FRMD4A: variants seen among roughly 807,000 people sequenced by gnomAD.
FRMD4A encodes the protein FERM domain containing 4A.
FRMD4A carries 29 observed loss-of-function variants against 129.1 expected under a neutral mutation model. The observed-to-expected ratio is 0.22, with a 90% CI of 0.17 to 0.31. The LOEUF (loss-of-function observed/expected upper bound fraction) is 0.31. Among genes scored for constraint, FRMD4A ranks in the 10% least tolerant of loss-of-function variants. The pLI, the probability that FRMD4A is intolerant of heterozygous loss-of-function variation, is 1.00. For missense variants in FRMD4A, 1,272 were observed against 1,375.8 expected (o/e 0.92, Z 1.19); for synonymous variants, 634 against 571.6 (o/e 1.11, Z -1.56).
At chr10:14,141,654 T>C (rs1254984054) in intron 2 of FRMD4A, among the ~76,000 whole-genome samples, 2 of 152,076 alleles carry the variant, frequency 1.3e-5, no homozygotes, top group Admixed American at 6.5e-5. Flanking sequence ...CCTTTTCCCC[T>C]GTCCTTCGAT....
intron 2 of FRMD4A, among the ~76,000 whole-genome samples, chr10:13,963,284 T>G (rs2131364507): frequency 6.6e-6 from 1 of 151,376 alleles, no homozygotes; most frequent in Middle Eastern, 3.4e-3. Context: ...TTTTTTTTTT[T>G]TTTTTTCAAC....
intron 11 of FRMD4A, 127 bp downstream of exon 11, chr10:13,740,067 C>G: frequency 2.9e-6 from 2 of 694,832 alleles, no homozygotes; most frequent in Admixed American, 4.6e-5. Flanking sequence ...ACCCTGCACA[C>G]CAGCCTGGGA....
intron 2 of FRMD4A, among the ~76,000 whole-genome samples, chr10:14,322,930 A>G (rs925706265): frequency 6.6e-6 from 1 of 152,226 alleles, no homozygotes; most frequent in Non-Finnish European, 1.5e-5. Context: ...TAGCTGCCCC[A>G]TCATGTGTAA....
chr10:14,293,028 T>TAAAA (rs112136665), intron 2 of FRMD4A, among the ~76,000 whole-genome samples: 48,662 of 151,892 alleles, frequency 0.32, 8,095 homozygotes, highest in Middle Eastern at 0.37. Context: ...CATGAACACA[T>TAAAA]AACTGATAAA....
intron 15 of FRMD4A, among the ~76,000 whole-genome samples, chr10:13,681,547 CAT>C (rs10606576): frequency 0.011 from 1,672 of 151,878 alleles, 33 homozygotes; most frequent in African/African-American, 0.039. Context: ...GTGAAAGGCA[CAT>C]ATATATATGT....
intron 2 of FRMD4A, among the ~76,000 whole-genome samples, chr10:13,874,452 G>A (rs941900777): frequency 1.3e-5 from 2 of 151,864 alleles, no homozygotes; most frequent in African/African-American, 4.8e-5. Context: ...AGCAATGAAT[G>A]AGCCAAAAAG....
rs552955164 is a variant in FRMD4A at position 13,997,562 on chromosome 10, G to T, written c.46-138650C>A. On this transcript the variant is annotated intron_variant, in intron 2 of 24. Coordinates refer to ENST00000357447, the MANE Select transcript of FRMD4A (RefSeq NM_018027.5). ...TTAGGTTCAGGATGTCTGAGGTGGA[G>T]ACCAGGCATCTGATCCATGTACTGT... Among the ~76,000 whole-genome samples, 25 of 151,902 alleles carry T rather than the reference G, an allele frequency of 1.6e-4. 1 individual carries two copies. In the South Asian group the frequency reaches 5.2e-3, roughly 32 times the overall value.
At chr10:14,313,890 T>C (rs1846644001) in intron 2 of FRMD4A, among the ~76,000 whole-genome samples, 1 of 152,370 alleles carries the variant, frequency 6.6e-6, no homozygotes, top group Admixed American at 6.5e-5. Context: ...TATTCTTCCC[T>C]ACAGGAAGAG....
At chr10:13,689,010 T>A (rs930086920) in intron 15 of FRMD4A, among the ~76,000 whole-genome samples, 2 of 152,052 alleles carry the variant, frequency 1.3e-5, no homozygotes, top group Non-Finnish European at 2.9e-5. Context: ...GCCTGGCTTC[T>A]TTAATAGGTA....
chr10:13,839,739 G>A (rs370457615), intron 3 of FRMD4A, among the ~76,000 whole-genome samples: 3 of 152,324 alleles, frequency 2.0e-5, no homozygotes, highest in East Asian at 3.9e-4. Context: ...GGGGCCTTGA[G>A]CCACCAGCCA....
At chr10:13,889,982 C>T (rs1294944391) in intron 2 of FRMD4A, among the ~76,000 whole-genome samples, 1 of 152,184 alleles carries the variant, frequency 6.6e-6, no homozygotes, top group Non-Finnish European at 1.5e-5. Context: ...GACCCTCATT[C>T]CTGCTGTGCC....
rs1312114674 is a variant in FRMD4A at position 13,651,959 on chromosome 10, G to A, written c.3066C>T (p.Asn1022=). The part of the protein sequence containing the change: ...LTWQTGEATE[N]SPILDGSESP... The stretch of plus-strand genomic sequence containing the variant: ...ACTCAGACCCATCCAGAATGGGTGA[G>A]TTTTCTGTTGCTTCTCTGAACAAAG... Residue 1022 remains asparagine, a synonymous_variant, in exon 24 of 25, where the codon AAC becomes AAT. Transcript: ENST00000357447. 6.3e-7 allele frequency: 1 copy of A among 1,587,918 alleles called. No homozygotes were observed.
chr10:13,688,011 T>A (rs1338556229), intron 15 of FRMD4A, among the ~76,000 whole-genome samples: 1 of 152,146 alleles, frequency 6.6e-6, no homozygotes. Flanking sequence ...ACTACGGGAT[T>A]CAGGGCCCTG....
At chr10:14,276,387 A>C (rs2132053807) in intron 2 of FRMD4A, among the ~76,000 whole-genome samples, 1 of 152,302 alleles carries the variant, frequency 6.6e-6, no homozygotes, top group African/African-American at 2.4e-5. Flanking sequence ...CCTCCCAAGA[A>C]GGGCCACAAG....
intron 2 of FRMD4A, chr10:13,971,876 G>A: frequency 7.0e-6 from 9 of 1,291,478 alleles, no homozygotes; most frequent in Non-Finnish European, 9.2e-6. Context: ...GTGACACAAA[G>A]TGCCAATGTC....
intron 2 of FRMD4A, among the ~76,000 whole-genome samples, chr10:14,257,195 G>T (rs1360111267): frequency 3.3e-5 from 5 of 152,126 alleles, no homozygotes. Context: ...GCTGGGCGTG[G>T]TGGCCAGTGC....
intron 2 of FRMD4A, among the ~76,000 whole-genome samples, chr10:14,073,335 G>A (rs1404684025): frequency 2.6e-5 from 4 of 152,160 alleles, no homozygotes; most frequent in African/African-American, 9.7e-5. Flanking sequence ...GAAGCTGGAA[G>A]CTTCTTTGGT....
At chr10:13,913,147 T>C (rs1275072028) in intron 2 of FRMD4A, among the ~76,000 whole-genome samples, 1 of 151,616 alleles carries the variant, frequency 6.6e-6, no homozygotes, top group East Asian at 1.9e-4. Flanking sequence ...GGATGAACCT[T>C]GGACACATTA....
Position 13,796,146 on chromosome 10 carries a change from T to C in FRMD4A, c.299+350A>G, listed in dbSNP as rs2093113000. ...AAAGAATACAAAGGCTTTTGTTATG[T>C]AGTTTCAAATTGCCCCCAGAAAAGA... On this transcript the variant is annotated intron_variant, in intron 5 of 24. Coordinates refer to ENST00000357447, the MANE Select transcript of FRMD4A (RefSeq NM_018027.5). Among the ~76,000 whole-genome samples, 3 of 152,192 alleles carry C rather than the reference T, an allele frequency of 2.0e-5. 1 individual carries two copies. The highest frequency in any genetic ancestry group is 4.1e-4 in the South Asian group (2 of 4,828).
Sources: gnomAD v4.1 joint callset for allele counts (sites outside exome capture counted in the v4.1 genomes callset) on GRCh38, gnomAD v4.1.1 for gene constraint, MANE v1.5 for transcripts, NCBI Gene and HGNC (gene_info 2026-07-23, HGNC 2026-07-21) for gene names.